HERC1: variants seen among roughly 807,000 people sequenced by gnomAD.
HERC1 encodes HECT and RLD domain containing E3 ubiquitin protein ligase family member 1, also known as probable E3 ubiquitin-protein ligase HERC1.
HERC1 carries 160 observed loss-of-function variants against 554.3 expected under a neutral mutation model. The ratio of observed to expected loss-of-function variants is 0.29; its 90% confidence interval spans 0.25 to 0.33. The LOEUF (loss-of-function observed/expected upper bound fraction) is 0.33, where lower values mean the gene tolerates loss of function less well. Ranked by LOEUF, HERC1 falls within the 10% of genes least tolerant of loss-of-function variation. The pLI, the probability that HERC1 is intolerant of heterozygous loss-of-function variation, is 1.00. For missense variants in HERC1, 4,919 were observed against 5,918.5 expected (o/e 0.83, Z 5.54); for synonymous variants, 2,175 against 2,131.7 (o/e 1.02, Z -0.56).
intron 1 of HERC1, chr15:63,780,660 T>C (rs1190760201): frequency 6.6e-6 from 1 of 151,772 alleles, no homozygotes; most frequent in African/African-American, 2.4e-5. Flanking sequence ...AGGCGGAGGT[T>C]ACGGTGAGCC....
chr15:63,682,764 T>C (rs1344907521), intron 34 of HERC1, among the ~76,000 whole-genome samples: 4 of 151,784 alleles, frequency 2.6e-5, no homozygotes, highest in South Asian at 2.1e-4. Flanking sequence ...AAACTTAAGA[T>C]GTGAGAAGGG....
At chr15:63,806,177 T>C (rs1041913738) in intron 1 of HERC1, among the ~76,000 whole-genome samples, 1 of 151,746 alleles carries the variant, frequency 6.6e-6, no homozygotes, top group Non-Finnish European at 1.5e-5. Context: ...TTTTTTTTTT[T>C]CTCTTTGAGA....
intron 48 of HERC1, 54 bp from the exon 49 acceptor site, chr15:63,656,412 G>C (rs544174214): frequency 3.3e-6 from 5 of 1,494,654 alleles, no homozygotes; most frequent in Non-Finnish European, 4.6e-6. Flanking sequence ...TTTCTTAAGG[G>C]ACCATTTGCA....
At chr15:63,672,732 T>C in intron 38 of HERC1, 38 bp from the exon 39 acceptor site, 2 of 1,444,228 alleles carry the variant, frequency 1.4e-6, no homozygotes, top group South Asian at 1.4e-5. Flanking sequence ...GTAGTAAGGA[T>C]TTGTTTTTTC....
chr15:63,654,991 G>T (rs2152905931), intron 50 of HERC1, among the ~76,000 whole-genome samples: 1 of 152,284 alleles, frequency 6.6e-6, no homozygotes, highest in Admixed American at 6.5e-5. Context: ...TAAGAAAACA[G>T]TTTGGCTTTT....
At chr15:63,818,634 C>T (rs781378273) in intron 1 of HERC1, among the ~76,000 whole-genome samples, 6 of 152,080 alleles carry the variant, frequency 3.9e-5, no homozygotes, top group East Asian at 1.9e-4. Flanking sequence ...CTTTATATGG[C>T]GTAGCTTTGA....
At position 63,678,272 on chromosome 15, in the gene HERC1, C is replaced by T. The variant is rs1311691276; in HGVS notation, c.6643G>A (p.Ala2215Thr). ...AGGATACGGATGAGCTGAATAGTGG[C>T]CTCAGCCAGCACTGCTGCTACTGGA... ...CSPVAAVLAE[A>T]TIQLIRILHR... The change falls in exon 37 of 78, where the codon GCC becomes ACC. Residue 2215 changes from alanine to threonine, a missense_variant. Physicochemically the swap from Ala to Thr is moderately conservative, Grantham distance 58. This residue lies in a region of HERC1 where 1,963 missense variants were observed against 2,228.6 expected (regional missense o/e 0.88). Transcript: ENST00000443617. 3.7e-6 allele frequency: 6 copies of T among 1,613,542 alleles called. No homozygotes were observed. The highest frequency in any genetic ancestry group is 5.1e-6 in the Non-Finnish European group (6 of 1,179,816).
chr15:63,668,960 A>G (rs1045344950), intron 40 of HERC1, among the ~76,000 whole-genome samples: 2 of 152,206 alleles, frequency 1.3e-5, no homozygotes, highest in Non-Finnish European at 1.5e-5. Flanking sequence ...ACAACAGCAC[A>G]ATACACGTAT....
chr15:63,643,626 G>C, intron 57 of HERC1, 76 bp from the exon 58 acceptor site: 1 of 1,125,516 alleles, frequency 8.9e-7, no homozygotes, highest in Non-Finnish European at 1.2e-6. Flanking sequence ...TTCACTCTTG[G>C]AAATTTTATA....
chr15:63,804,194 T>C (rs926846709), intron 1 of HERC1, among the ~76,000 whole-genome samples: 25 of 152,128 alleles, frequency 1.6e-4, no homozygotes, highest in African/African-American at 4.8e-4. Flanking sequence ...GAAGAAAACA[T>C]AGGAGAAAAT....
chr15:63,673,674 G>A (rs2071048993), intron 38 of HERC1, among the ~76,000 whole-genome samples: 1 of 152,160 alleles, frequency 6.6e-6, no homozygotes, highest in Non-Finnish European at 1.5e-5. Context: ...TGAAAGTAGA[G>A]ACTTTAAAAT....
chr15:63,726,534 A>AT (rs897337639), intron 17 of HERC1, among the ~76,000 whole-genome samples: 1 of 152,214 alleles, frequency 6.6e-6, no homozygotes, highest in Non-Finnish European at 1.5e-5. Context: ...TATACTAGAG[A>AT]TTTTTTAAAA....
chr15:63,780,756 G>C (rs2076265155), intron 1 of HERC1, among the ~76,000 whole-genome samples: 1 of 151,832 alleles, frequency 6.6e-6, no homozygotes, highest in Non-Finnish European at 1.5e-5. Flanking sequence ...CTAAAGGTTA[G>C]CTGTAAGACC....
In HERC1 at chr15:63,649,882, G is replaced by A. The variant is rs774965367; in HGVS notation, c.10590C>T (p.Ala3530=). 6.2e-7 allele frequency: 1 copy of A among 1,612,052 alleles called. No individual in the cohort carries two copies. Among genetic ancestry groups the A allele is most frequent in the South Asian group, 1.1e-5 (1 of 90,602 alleles). ...LVDIQPHWVS[A]LAWPEEGPAT... is the part of the protein sequence containing the mutation. ...CCGGACCCTCTTCTGGCCAAGCCAGGGCAGATACCCAATGAGGCTGAATAT... is the reference window on the plus strand; with the variant it reads ...CCGGACCCTCTTCTGGCCAAGCCAGAGCAGATACCCAATGAGGCTGAATAT... The change falls in exon 54 of 78, where the codon GCC becomes GCT. Residue 3530 remains alanine (A), a synonymous_variant. Coordinates refer to ENST00000443617, the MANE Select transcript of HERC1 (RefSeq NM_003922.4).
chr15:63,764,105 G>A lies in HERC1; in HGVS notation c.1017C>T (p.Leu339=), dbSNP rs1374469637. 1 of 1,606,004 alleles carries A rather than the reference G, an allele frequency of 6.2e-7. No homozygotes were observed. Among genetic ancestry groups the A allele is most frequent in the Admixed American group, 1.7e-5 (1 of 59,054 alleles). The change falls in exon 3 of 78, where the codon CTC becomes CTT. Residue 339 remains leucine, a synonymous_variant. Transcript: ENST00000443617. ...CACGATTATTACGTACCTCTTCAAA[G>A]AGACATAATGCTGCCTCGTAAAGGG... The part of the protein sequence containing the change: ...LCSLYEAALC[L]FEEVCRMASD...
intron 1 of HERC1, among the ~76,000 whole-genome samples, chr15:63,778,585 C>A (rs2143012011): frequency 6.6e-6 from 1 of 152,120 alleles, no homozygotes; most frequent in South Asian, 2.1e-4. Context: ...GCAAAATAGA[C>A]CCATAAAATT....
chr15:63,732,289 C>A (rs181080396), intron 14 of HERC1, among the ~76,000 whole-genome samples: 37 of 152,212 alleles, frequency 2.4e-4, no homozygotes, highest in Non-Finnish European at 4.6e-4. Flanking sequence ...GCATAAGACA[C>A]CGCGCCTGGC....
At chr15:63,733,444 A>G (rs985295299) in intron 13 of HERC1, among the ~76,000 whole-genome samples, 1 of 152,226 alleles carries the variant, frequency 6.6e-6, no homozygotes, top group Admixed American at 6.5e-5. Flanking sequence ...CGAAATGCCA[A>G]TAGATAAATA....
intron 1 of HERC1, among the ~76,000 whole-genome samples, chr15:63,810,759 G>A (rs978532889): frequency 6.6e-6 from 1 of 152,016 alleles, no homozygotes; most frequent in Non-Finnish European, 1.5e-5. Context: ...AATTACAAAG[G>A]GGAAAAAAGT....
Sources: allele counts gnomAD v4.1 joint callset (sites outside exome capture counted in the v4.1 genomes callset), GRCh38; gene constraint gnomAD v4.1.1; regional missense constraint gnomAD v4.1.1; transcripts MANE v1.5; gene names NCBI Gene and HGNC (gene_info 2026-07-23, HGNC 2026-07-21).